Variants in PCSK2 observed in about 807,000 individuals in gnomAD.
PCSK2 encodes neuroendocrine convertase 2.
PCSK2 carries 14 observed loss-of-function variants against 69.7 expected under a neutral mutation model. The observed-to-expected ratio is 0.20, with a 90% CI of 0.13 to 0.31. The LOEUF (loss-of-function observed/expected upper bound fraction) is 0.31. Among genes scored for constraint, PCSK2 ranks in the 10% least tolerant of loss-of-function variants. The pLI, the probability that PCSK2 is intolerant of heterozygous loss-of-function variation, is 1.00. For synonymous variants in PCSK2, 307 were observed against 320.7 expected (o/e 0.96, Z 0.46); for missense variants, 544 against 842.5 (o/e 0.65, Z 4.39).
intron 2 of PCSK2, among the ~76,000 whole-genome samples, chr20:17,303,529 T>A (rs1350046086): frequency 4.8e-5 from 2 of 41,690 alleles, no homozygotes; most frequent in African/African-American, 1.7e-4. Context: ...ATAATATATA[T>A]TATATTATAT....
At chr20:17,285,653 A>G (rs775250151) in intron 2 of PCSK2, among the ~76,000 whole-genome samples, 7 of 152,266 alleles carry the variant, frequency 4.6e-5, no homozygotes, top group Admixed American at 1.3e-4. Flanking sequence ...GATTGGCCAC[A>G]TAAGAGCAGT....
chr20:17,382,514 T>A (rs1021292526), intron 5 of PCSK2, among the ~76,000 whole-genome samples: 7 of 152,184 alleles, frequency 4.6e-5, no homozygotes, highest in Admixed American at 2.0e-4. Context: ...TCACAATGAC[T>A]AAGGTGCTAA....
At chr20:17,354,421 A>T (rs1300666244) in intron 2 of PCSK2, among the ~76,000 whole-genome samples, 2 of 152,210 alleles carry the variant, frequency 1.3e-5, no homozygotes, top group Non-Finnish European at 2.9e-5. Flanking sequence ...GAGAAGGAGG[A>T]AGAGAGAATA....
chr20:17,472,918 C>A lies in PCSK2; in HGVS notation c.1430+7365C>A, dbSNP rs555574104. On this transcript the variant is annotated intron_variant, in intron 11 of 11. Coordinates refer to ENST00000262545, the MANE Select transcript of PCSK2 (RefSeq NM_002594.5). The stretch of plus-strand genomic sequence containing the variant: ...TAACACAAGAAGCATTCCCCAGGGC[C>A]TCCTGGGAAGCAACACCTATTTCTT... Among the ~76,000 whole-genome samples the A allele has an allele frequency of 2.0e-5, 3 of 152,164 alleles. No individual in the cohort carries two copies. In the South Asian group the frequency reaches 6.2e-4, roughly 32 times the overall value.
intron 2 of PCSK2, among the ~76,000 whole-genome samples, chr20:17,347,618 C>T (rs981751415): frequency 6.6e-6 from 1 of 151,938 alleles, no homozygotes; most frequent in African/African-American, 2.4e-5. Context: ...TGGGTGATGA[C>T]GATGTGTCAG....
Position 17,248,650 on chromosome 20 carries a change from C to T in PCSK2, c.178-11590C>T, listed in dbSNP as rs117158553. On this transcript the variant is annotated intron_variant, in intron 1 of 11. Transcript: ENST00000262545. Reference sequence around the variant, plus strand: ...TACCTGTTTATTGCATAAGAGTAAGCTCGTCAGAGGTTCAAATTTTAGCTT... The same window carrying T: ...TACCTGTTTATTGCATAAGAGTAAGTTCGTCAGAGGTTCAAATTTTAGCTT... Among the ~76,000 whole-genome samples, 1,369 of 152,324 alleles carry T rather than the reference C, an allele frequency of 9.0e-3. 11 individuals are homozygous for T. The highest frequency in any genetic ancestry group is 0.016 in the Non-Finnish European group (1,091 of 68,032).
chr20:17,363,760 A>G (rs535902355), intron 4 of PCSK2, among the ~76,000 whole-genome samples: 17 of 152,340 alleles, frequency 1.1e-4, no homozygotes, highest in Non-Finnish European at 2.2e-4. Context: ...AACAGTAAAA[A>G]CGACGAACAT....
At chr20:17,346,300 A>C (rs531698092) in intron 2 of PCSK2, among the ~76,000 whole-genome samples, 1 of 152,106 alleles carries the variant, frequency 6.6e-6, no homozygotes, top group South Asian at 2.1e-4. Flanking sequence ...CTCACCCCCA[A>C]ACGCCTTTCC....
intron 2 of PCSK2, among the ~76,000 whole-genome samples, chr20:17,310,608 C>T (rs954870419): frequency 5.3e-5 from 8 of 151,134 alleles, no homozygotes; most frequent in African/African-American, 1.9e-4. Context: ...TGTTCCCTCA[C>T]AGCAGATTGA....
chr20:17,394,445 T>C lies in PCSK2; in HGVS notation c.544-14818T>C, dbSNP rs557941564. On this transcript the variant is annotated intron_variant, in intron 5 of 11. Coordinates refer to ENST00000262545, the MANE Select transcript of PCSK2 (RefSeq NM_002594.5). ...TGTCATGTGGGAAGAGGACATGTCCTTGAACCACTTGGAGCGAACCGTAGG... is the reference window on the plus strand; with the variant it reads ...TGTCATGTGGGAAGAGGACATGTCCCTGAACCACTTGGAGCGAACCGTAGG... 3.9e-5 allele frequency among the ~76,000 whole-genome samples: 6 copies of C among 152,272 alleles called. No homozygotes were observed. The East Asian group carries it at 7.7e-4, about 20-fold the overall frequency.
intron 11 of PCSK2, among the ~76,000 whole-genome samples, chr20:17,480,184 C>CTTTTTTTTTTTCTTTT (rs2033371111): frequency 1.3e-5 from 1 of 76,996 alleles, no homozygotes; most frequent in African/African-American, 5.9e-5. Flanking sequence ...TTCAGCTTTT[C>CTTTTTTTTTTTCTTTT]TTTTTTTTTT....
At chr20:17,296,242 G>T (rs1035605092) in intron 2 of PCSK2, among the ~76,000 whole-genome samples, 1 of 152,086 alleles carries the variant, frequency 6.6e-6, no homozygotes, top group African/African-American at 2.4e-5. Context: ...CAGGACACAG[G>T]GTCCGCTACA....
Position 17,426,617 on chromosome 20 carries a change from G to A in PCSK2, c.621-2818G>A, listed in dbSNP as rs1486686415. Among the ~76,000 whole-genome samples, 4 of 152,192 alleles carry A rather than the reference G, an allele frequency of 2.6e-5. No individual in the cohort carries two copies. The East Asian group carries it at 7.7e-4, about 29-fold the overall frequency. The stretch of plus-strand genomic sequence containing the variant: ...AGACTGGCAAGTCCAAAATCTGCAG[G>A]GTGAGCCAGCAGGCTGGAGACCCTG... On this transcript the variant is annotated intron_variant, in intron 6 of 11. Coordinates refer to ENST00000262545, the MANE Select transcript of PCSK2 (RefSeq NM_002594.5).
intron 6 of PCSK2, among the ~76,000 whole-genome samples, chr20:17,426,191 C>A (rs890665178): frequency 2.0e-5 from 3 of 152,110 alleles, no homozygotes; most frequent in East Asian, 1.9e-4. Flanking sequence ...TTCCCCCATG[C>A]GGTTCTCATG....
chr20:17,484,568 T>C lies in PCSK2; in HGVS notation c.*2498T>C, dbSNP rs6044845. Reference sequence around the variant, plus strand: ...TAGGAGGCTCAACAATAAAACATTATGCTCCAGAAATTATGTGAGATGTGC... The same window carrying C: ...TAGGAGGCTCAACAATAAAACATTACGCTCCAGAAATTATGTGAGATGTGC... On this transcript the variant is annotated 3_prime_UTR_variant, in exon 12 of 12. Transcript: ENST00000262545. 0.26 allele frequency: 40,121 copies of C among 152,152 alleles called. 6,379 individuals carry two copies. The highest frequency in any genetic ancestry group is 0.44 in the African/African-American group (18,260 of 41,422). The allele number at this position is 152,152 out of a possible 1,614,324, so 9.4% of individuals were successfully genotyped here.
Position 17,342,481 on chromosome 20 carries a change from G to T in PCSK2, c.283-15846G>T, listed in dbSNP as rs569515627. ...CTACAGGCATGTATCAACATGCCTG[G>T]CTAATTTGTGTATTTTTTGCAGAGA... On this transcript the variant is annotated intron_variant, in intron 2 of 11. Transcript: ENST00000262545. Among the ~76,000 whole-genome samples the T allele has an allele frequency of 5.3e-5, 8 of 151,928 alleles. 1 individual carries two copies. The highest frequency in any genetic ancestry group is 5.2e-4 in the Admixed American group (8 of 15,254).
chr20:17,461,903 C>G (rs1398321292), intron 10 of PCSK2, among the ~76,000 whole-genome samples: 1 of 152,106 alleles, frequency 6.6e-6, no homozygotes, highest in African/African-American at 2.4e-5. Flanking sequence ...CTCATGTACC[C>G]CATAAATACA....
intron 10 of PCSK2, among the ~76,000 whole-genome samples, chr20:17,457,546 C>A (rs550009568): frequency 6.6e-6 from 1 of 152,320 alleles, no homozygotes; most frequent in Non-Finnish European, 1.5e-5. Context: ...ACTCTTCTAA[C>A]AAAATTCAGA....
rs146983929 is a variant in PCSK2 at position 17,349,967 on chromosome 20, G to A, written c.283-8360G>A. Among the ~76,000 whole-genome samples the A allele has an allele frequency of 3.0e-4, 46 of 152,098 alleles. No homozygotes were observed. In the Middle Eastern group the frequency reaches 0.01, roughly 34 times the overall value. On this transcript the variant is annotated intron_variant, in intron 2 of 11. Transcript: ENST00000262545. ...AGTCAAGGCTGGGGACCTCTGCTTCGCGAGGACACCTTGTTTTCTTGTAGT... is the reference window on the plus strand; with the variant it reads ...AGTCAAGGCTGGGGACCTCTGCTTCACGAGGACACCTTGTTTTCTTGTAGT...
Sources: allele counts gnomAD v4.1 joint callset (sites outside exome capture counted in the v4.1 genomes callset), GRCh38; gene constraint gnomAD v4.1.1; transcripts MANE v1.5; gene names NCBI Gene and HGNC (gene_info 2026-07-23, HGNC 2026-07-21).